The following POF1B variants were observed in gnomAD, a reference collection of about 807,000 sequenced individuals.
POF1B encodes the protein protein POF1B.
Under a neutral mutation model 55.3 loss-of-function variants are expected in POF1B, and 53 were observed. The observed-to-expected ratio is 0.96, with a 90% CI of 0.77 to 1.20. The LOEUF (loss-of-function observed/expected upper bound fraction) is 1.20, where lower values mean the gene tolerates loss of function less well. Ranked by LOEUF, POF1B falls within the 50% of genes most tolerant of loss-of-function variation. The probability of loss-of-function intolerance (pLI) is 0.00; values close to 1 mark genes in which losing one functional copy is unlikely to be tolerated. For synonymous variants in POF1B, 188 were observed against 148.3 expected, an observed-to-expected ratio of 1.27 and a Z score of -1.95; for missense variants, 478 against 420.5, an observed-to-expected ratio of 1.14 and a Z score of -1.20.
chrX:85,325,930 G>A (rs1361864616), intron 7 of POF1B, among the ~76,000 whole-genome samples: 1 of 111,236 alleles, frequency 9.0e-6, no homozygotes, highest in Admixed American at 9.6e-5. Flanking sequence ...TTCATTTCTG[G>A]AGGATTTTAG....
chrX:85,292,569 CT>C (rs1932215580), intron 15 of POF1B, among the ~76,000 whole-genome samples: 1 of 111,286 alleles, frequency 9.0e-6, no homozygotes, highest in South Asian at 3.7e-4. Context: ...TAGTCCTGGC[CT>C]TTTTGTTGTT....
chrX:85,319,688 T>A (rs1439040678), intron 7 of POF1B, among the ~76,000 whole-genome samples: 1 of 111,819 alleles, frequency 8.9e-6, no homozygotes, highest in East Asian at 2.8e-4. Context: ...TTGCATATGT[T>A]AAACCAATCT....
At chrX:85,294,749 C>T (rs1337660970) in intron 15 of POF1B, among the ~76,000 whole-genome samples, 1 of 111,536 alleles carries the variant, frequency 9.0e-6, no homozygotes, top group African/African-American at 3.3e-5. Context: ...TTAAGGAGGA[C>T]TCCTTCCTCC....
Position 85,282,195 on chromosome X carries a change from G to A in POF1B, c.1764+8C>T. 8.5e-7 allele frequency: 1 copy of A among 1,180,428 alleles called. No individual in the cohort carries two copies. The highest frequency in any genetic ancestry group is 1.1e-6 in the Non-Finnish European group (1 of 879,056). On this transcript the variant is annotated splice_region_variant and intron_variant, in intron 16 of 16. Coordinates refer to ENST00000262753, the MANE Select transcript of POF1B (RefSeq NM_024921.4). The stretch of plus-strand genomic sequence containing the variant: ...AAAATAGGGCTAAAAATGCCCAAGT[G>A]AACTTACACAAGTGTATTTGTCTTC...
chrX:85,280,614 C>CTT (rs1931874781), intron 16 of POF1B, among the ~76,000 whole-genome samples: 1 of 111,198 alleles, frequency 9.0e-6, no homozygotes, highest in Non-Finnish European at 1.9e-5. Context: ...GTTTTGCCTA[C>CTT]TTTTATACCT....
At chrX:85,304,210 C>T in intron 14 of POF1B, 133 bp downstream of exon 14, 1 of 672,555 alleles carries the variant, frequency 1.5e-6, no homozygotes, top group Non-Finnish European at 2.0e-6. Flanking sequence ...TCACTTGCAC[C>T]TACATTTTAT....
At chrX:85,331,403 G>GA (rs1360469017) in intron 6 of POF1B, among the ~76,000 whole-genome samples, 1 of 110,525 alleles carries the variant, frequency 9.0e-6, no homozygotes, top group Non-Finnish European at 1.9e-5. Context: ...GTCTCCTGTG[G>GA]AAAAAGAAAA....
chrX:85,330,069 TTTTGA>T (rs1932950312), intron 7 of POF1B, among the ~76,000 whole-genome samples: 1 of 109,854 alleles, frequency 9.1e-6, no homozygotes, highest in East Asian at 2.8e-4. Context: ...TTCCAAATTA[TTTTGA>T]ATTTGTGGAG....
At chrX:85,313,182 T>C (rs932775861) in intron 9 of POF1B, among the ~76,000 whole-genome samples, 9 of 111,616 alleles carry the variant, frequency 8.1e-5, no homozygotes, top group African/African-American at 2.9e-4. Flanking sequence ...TCACTTGCCT[T>C]GTTGCCCTGG....
chrX:85,284,528 C>T (rs770547505), intron 15 of POF1B, among the ~76,000 whole-genome samples: 71 of 111,762 alleles, frequency 6.4e-4, no homozygotes, highest in Non-Finnish European at 1.1e-3. Context: ...TGATCTTTGA[C>T]AAATCTGACA....
Position 85,331,771 on chromosome X carries a change from C to T in POF1B, c.724-692G>A, listed in dbSNP as rs1031327325. On this transcript the variant is annotated intron_variant, in intron 6 of 16. Transcript: ENST00000262753. ...CTCCCTTCTAAGCCTCTTGCTACCA[C>T]TATTCTACTTTCTACTTGCATGACA... Among the ~76,000 whole-genome samples the T allele has an allele frequency of 2.7e-5, 3 of 111,243 alleles. No individual in the cohort carries two copies. The South Asian group carries it at 1.1e-3, about 42-fold the overall frequency.
At chrX:85,317,957 A>G (rs1406923615) in intron 7 of POF1B, among the ~76,000 whole-genome samples, 1 of 111,880 alleles carries the variant, frequency 8.9e-6, no homozygotes, top group African/African-American at 3.2e-5. Flanking sequence ...TTCTTAGCAA[A>G]CTAACACAGG....
At chrX:85,309,463 C>T (rs1041044277) in intron 9 of POF1B, among the ~76,000 whole-genome samples, 2 of 111,152 alleles carry the variant, frequency 1.8e-5, no homozygotes, top group Non-Finnish European at 3.8e-5. Flanking sequence ...TATAAAAAGA[C>T]CCAAATTGGT....
Position 85,345,875 on chromosome X carries a change from G to A in POF1B, c.708C>T (p.Ser236=), listed in dbSNP as rs1229244820. 8.3e-7 allele frequency: 1 copy of A among 1,199,319 alleles called. No individual in the cohort carries two copies. Among genetic ancestry groups the A allele is most frequent in the Non-Finnish European group, 1.1e-6 (1 of 888,903 alleles). The change falls in exon 6 of 17, where the codon AGC becomes AGT. Residue 236 remains serine, a synonymous_variant. Coordinates refer to ENST00000262753, the MANE Select transcript of POF1B (RefSeq NM_024921.4). ...IGNELCHSGS[S]QICEQVIIQD... ...TTGATCTTACCTGCTCACAAATCTG[G>A]CTTGATCCACTATGGCACAGTTCAT...
intron 4 of POF1B, among the ~76,000 whole-genome samples, chrX:85,353,931 C>T (rs1007041988): frequency 9.0e-6 from 1 of 111,309 alleles, no homozygotes; most frequent in African/African-American, 3.3e-5. Flanking sequence ...GAGTGCCCAA[C>T]AGATGAGAAT....
chrX:85,328,638 T>G (rs1405515626), intron 7 of POF1B, among the ~76,000 whole-genome samples: 1 of 111,126 alleles, frequency 9.0e-6, no homozygotes, highest in Admixed American at 9.6e-5. Flanking sequence ...GTTCTCAAAC[T>G]TGATCATGTA....
chrX:85,339,116 C>G (rs1354799055), intron 6 of POF1B, among the ~76,000 whole-genome samples: 1 of 111,244 alleles, frequency 9.0e-6, no homozygotes, highest in African/African-American at 3.3e-5. Context: ...AATGGACTTA[C>G]AGTTCCACAT....
At chrX:85,313,790 GA>G (rs1258060547) in intron 9 of POF1B, among the ~76,000 whole-genome samples, 1 of 110,912 alleles carries the variant, frequency 9.0e-6, no homozygotes, top group African/African-American at 3.3e-5. Flanking sequence ...ATTTGGCTGT[GA>G]ATCCATCTGC....
In POF1B at chrX:85,355,838, G is replaced by A. The variant is rs183167210; in HGVS notation, c.438+3712C>T. Among the ~76,000 whole-genome samples, 678 of 111,578 alleles carry A rather than the reference G, an allele frequency of 6.1e-3. 2 individuals carry two copies. Among genetic ancestry groups the A allele is most frequent in the Middle Eastern group, 0.014 (3 of 216 alleles). ...GTGCTGGAGAGGATGTGGAGAAATAGGAACACGTTTACACTGTTGGTGGGA... is the reference window on the plus strand; with the variant it reads ...GTGCTGGAGAGGATGTGGAGAAATAAGAACACGTTTACACTGTTGGTGGGA... On this transcript the variant is annotated intron_variant, in intron 4 of 16. Coordinates refer to ENST00000262753, the MANE Select transcript of POF1B (RefSeq NM_024921.4).
Sources: gnomAD v4.1 joint callset for allele counts (sites outside exome capture counted in the v4.1 genomes callset) on GRCh38, gnomAD v4.1.1 for gene constraint, MANE v1.5 for transcripts, NCBI Gene and HGNC (gene_info 2026-07-23, HGNC 2026-07-21) for gene names.